PRR16: variants seen among roughly 807,000 people sequenced by gnomAD.
PRR16 encodes protein Largen.
Under a neutral mutation model 18.2 loss-of-function variants are expected in PRR16, and 6 were observed. That is an observed-to-expected ratio of 0.33 (90% CI 0.18 to 0.65). PRR16 has a LOEUF of 0.65. Ranked by LOEUF, PRR16 falls within the 30% of genes least tolerant of loss-of-function variation. The pLI is 0.74. For missense variants in PRR16, 412 were observed against 376.6 expected (o/e 1.09, Z -0.78); for synonymous variants, 151 against 147.8 (o/e 1.02, Z -0.16).
chr5:120,497,349 C>G (rs1178476830), intron 1 of PRR16, among the ~76,000 whole-genome samples: 1 of 119,422 alleles, frequency 8.4e-6, no homozygotes, highest in Non-Finnish European at 1.8e-5. Context: ...CCTTTTAGTT[C>G]TATCAGTTTT....
At chr5:120,676,396 A>G (rs1029110806) in intron 1 of PRR16, among the ~76,000 whole-genome samples, 4 of 152,038 alleles carry the variant, frequency 2.6e-5, no homozygotes, top group Non-Finnish European at 4.4e-5. Flanking sequence ...CCGTTCCTGA[A>G]TTTGGACATG....
intron 1 of PRR16, among the ~76,000 whole-genome samples, chr5:120,481,711 T>C (rs1172841098): frequency 2.0e-5 from 3 of 152,208 alleles, no homozygotes; most frequent in Non-Finnish European, 4.4e-5. Context: ...ACAAAAATGG[T>C]GTTTCATGTA....
intron 1 of PRR16, among the ~76,000 whole-genome samples, chr5:120,562,955 C>T (rs537423541): frequency 6.6e-6 from 1 of 152,162 alleles, no homozygotes. Context: ...TTTCTGAATG[C>T]TTACTATTAC....
chr5:120,568,651 T>C (rs1244098623), intron 1 of PRR16, among the ~76,000 whole-genome samples: 1 of 152,170 alleles, frequency 6.6e-6, no homozygotes, highest in Non-Finnish European at 1.5e-5. Context: ...TATGCTATAG[T>C]ATTTTAAAAT....
At chr5:120,646,140 G>T (rs1359916229) in intron 1 of PRR16, among the ~76,000 whole-genome samples, 7 of 148,584 alleles carry the variant, frequency 4.7e-5, no homozygotes, top group Non-Finnish European at 1.0e-4. Context: ...GTGGCATGGG[G>T]TTTACAGGCA....
intron 1 of PRR16, among the ~76,000 whole-genome samples, chr5:120,519,006 A>G (rs1249664263): frequency 6.6e-6 from 1 of 152,148 alleles, no homozygotes; most frequent in Non-Finnish European, 1.5e-5. Flanking sequence ...GTCTTAACTA[A>G]TACAATCTTA....
chr5:120,567,586 G>C (rs1752777003), intron 1 of PRR16, among the ~76,000 whole-genome samples: 1 of 152,152 alleles, frequency 6.6e-6, no homozygotes, highest in Non-Finnish European at 1.5e-5. Flanking sequence ...GGAAGGGCCT[G>C]CTGGGAGGTG....
At chr5:120,698,014 G>T in the PRR16 span, among the ~76,000 whole-genome samples, 1 of 152,130 alleles carries the variant, frequency 6.6e-6, no homozygotes, top group Non-Finnish European at 1.5e-5. Context: ...CGATGGCTTG[G>T]CTTGGACTCA....
the PRR16 span, among the ~76,000 whole-genome samples, chr5:120,773,956 A>G: frequency 3.9e-5 from 6 of 152,240 alleles, no homozygotes; most frequent in African/African-American, 1.2e-4. Context: ...TGTACTTGAT[A>G]TTCCGTAGCT....
intron 1 of PRR16, among the ~76,000 whole-genome samples, chr5:120,496,895 T>C (rs72786263): frequency 0.023 from 3,499 of 152,230 alleles, 50 homozygotes; most frequent in South Asian, 0.035. Flanking sequence ...TAGTGACTTG[T>C]TGTATTTTCA....
intron 1 of PRR16, among the ~76,000 whole-genome samples, chr5:120,600,341 C>G (rs1753943261): frequency 6.6e-6 from 1 of 151,754 alleles, no homozygotes; most frequent in South Asian, 2.1e-4. Flanking sequence ...AATATGTATA[C>G]CTTCTCATAT....
intron 1 of PRR16, among the ~76,000 whole-genome samples, chr5:120,663,414 G>C (rs548785528): frequency 1.3e-4 from 20 of 151,816 alleles, no homozygotes; most frequent in African/African-American, 4.8e-4. Context: ...CATGTTTGCT[G>C]TTGAAAAGGT....
the PRR16 span, among the ~76,000 whole-genome samples, chr5:120,705,041 T>A: frequency 6.6e-6 from 1 of 151,988 alleles, no homozygotes; most frequent in South Asian, 2.1e-4. Context: ...ACTTTAACAC[T>A]TTAAGTTTGT....
At chr5:120,469,371 T>C (rs186443313) in intron 1 of PRR16, among the ~76,000 whole-genome samples, 103 of 152,320 alleles carry the variant, frequency 6.8e-4, no homozygotes, top group Non-Finnish European at 1.1e-3. Flanking sequence ...ACTTAGGTTG[T>C]AGGGCAGTGT....
chr5:120,481,113 A>T (rs1749596053), intron 1 of PRR16: 1 of 1,189,812 alleles, frequency 8.4e-7, no homozygotes, highest in Non-Finnish European at 1.1e-6. Flanking sequence ...TTCAAATTAA[A>T]CACAGCTACT....
chr5:120,499,032 T>G (rs2112839899), intron 1 of PRR16, among the ~76,000 whole-genome samples: 1 of 152,252 alleles, frequency 6.6e-6, no homozygotes, highest in South Asian at 2.1e-4. Context: ...ATTTGGGGTT[T>G]TCTCAGTTTC....
chr5:120,699,818 TGC>T, the PRR16 span, among the ~76,000 whole-genome samples: 1 of 152,072 alleles, frequency 6.6e-6, no homozygotes, highest in African/African-American at 2.4e-5. Context: ...TTGTAGAAGG[TGC>T]TGGGGTTTGA....
chr5:120,728,101 C>A, the PRR16 span, among the ~76,000 whole-genome samples: 1 of 151,776 alleles, frequency 6.6e-6, no homozygotes. Context: ...TTAAATTATA[C>A]ATAAAGTAAA....
chr5:120,691,172 G>A (rs1414299289), downstream of PRR16, among the ~76,000 whole-genome samples: 3 of 152,100 alleles, frequency 2.0e-5, no homozygotes, highest in African/African-American at 4.8e-5. Context: ...TGTTGGGCTG[G>A]CATTTTGTGC....
Sources: gnomAD v4.1 joint callset for allele counts (sites outside exome capture counted in the v4.1 genomes callset) on GRCh38, gnomAD v4.1.1 for gene constraint, MANE v1.5 for transcripts, NCBI Gene and HGNC (gene_info 2026-07-23, HGNC 2026-07-21) for gene names.